Variants in LRP1B observed in about 807,000 individuals in gnomAD.
LRP1B encodes low-density lipoprotein receptor-related protein 1B.
A neutral mutation model predicts 556.6 loss-of-function variants in LRP1B; 217 were observed. The ratio of observed to expected loss-of-function variants is 0.39; its 90% CI spans 0.35 to 0.44. The LOEUF is 0.44. LRP1B is among the 20% of genes least tolerant of loss of function. The probability of loss-of-function intolerance (pLI) is 1.00; values close to 1 mark genes in which losing one functional copy is unlikely to be tolerated. For synonymous variants in LRP1B, 2,047 were observed against 1,865.8 expected (o/e 1.10, Z -2.50); for missense variants, 5,053 against 5,620.8 (o/e 0.90, Z 3.23).
At chr2:141,922,887 C>T (rs1700227789) in intron 1 of LRP1B, among the ~76,000 whole-genome samples, 1 of 152,058 alleles carries the variant, frequency 6.6e-6, no homozygotes, top group Admixed American at 6.6e-5. Context: ...ATCACTTGAA[C>T]TCAGGAGTTC....
chr2:140,541,746 G>A (rs747490389), intron 44 of LRP1B, 33 bp downstream of exon 44: 1 of 1,511,724 alleles, frequency 6.6e-7, no homozygotes, highest in Admixed American at 1.7e-5. Flanking sequence ...ATTATACAAT[G>A]AAAAAACACA....
intron 2 of LRP1B, among the ~76,000 whole-genome samples, chr2:141,519,649 A>T (rs146272040): frequency 0.011 from 1,634 of 152,084 alleles, 14 homozygotes; most frequent in Middle Eastern, 0.017. Flanking sequence ...TATTCTCCAC[A>T]TGCTGGAAAA....
intron 34 of LRP1B, among the ~76,000 whole-genome samples, chr2:140,769,974 C>G (rs572754492): frequency 6.6e-6 from 1 of 151,922 alleles, no homozygotes; most frequent in Non-Finnish European, 1.5e-5. Context: ...AAGCTAACTA[C>G]CAGAAGTACA....
chr2:140,256,614 G>A (rs796842119), intron 86 of LRP1B, among the ~76,000 whole-genome samples: 24 of 150,754 alleles, frequency 1.6e-4, no homozygotes, highest in African/African-American at 5.1e-4. Context: ...GACTACAGGC[G>A]TGCACCACCA....
At chr2:141,650,398 G>A (rs1401776986) in intron 2 of LRP1B, among the ~76,000 whole-genome samples, 4 of 152,136 alleles carry the variant, frequency 2.6e-5, no homozygotes, top group Non-Finnish European at 5.9e-5. Flanking sequence ...GAGGAATCAA[G>A]AGAGGCAGCA....
intron 67 of LRP1B, among the ~76,000 whole-genome samples, chr2:140,380,178 C>T (rs143929107): frequency 3.3e-5 from 5 of 152,168 alleles, no homozygotes; most frequent in African/African-American, 1.2e-4. Context: ...AGATAAGTAA[C>T]GTACTTCAAA....
chr2:141,256,402 T>C (rs1395911253), intron 3 of LRP1B, among the ~76,000 whole-genome samples: 1 of 151,994 alleles, frequency 6.6e-6, no homozygotes, highest in Non-Finnish European at 1.5e-5. Flanking sequence ...AGACTGGAAT[T>C]GCTGTTTGGA....
At chr2:140,308,800 T>C (rs1684173931) in intron 83 of LRP1B, among the ~76,000 whole-genome samples, 1 of 151,978 alleles carries the variant, frequency 6.6e-6, no homozygotes, top group African/African-American at 2.4e-5. Context: ...TGCCCTTCTA[T>C]GAAAATACTA....
intron 79 of LRP1B, among the ~76,000 whole-genome samples, chr2:140,331,579 T>C (rs1680814572): frequency 6.6e-6 from 1 of 151,812 alleles, no homozygotes; most frequent in Non-Finnish European, 1.5e-5. Context: ...CCATGATTCC[T>C]GACATCAGCA....
At position 141,755,363 on chromosome 2, in the gene LRP1B, C is replaced by A. The variant is rs548387248; in HGVS notation, c.205+54916G>T. ...ACCCCAATTGAAAATCATCAAAAACCTTAAATCAAAAGAAATACACATAGA... is the reference window on the plus strand; with the variant it reads ...ACCCCAATTGAAAATCATCAAAAACATTAAATCAAAAGAAATACACATAGA... On this transcript the variant is annotated intron_variant, in intron 2 of 90. Transcript: ENST00000389484. Among the ~76,000 whole-genome samples, 7 of 151,852 alleles carry A rather than the reference C, an allele frequency of 4.6e-5. No homozygotes were observed. The South Asian group carries it at 1.5e-3, about 32-fold the overall frequency.
At chr2:141,606,672 A>T (rs1004485636) in intron 2 of LRP1B, among the ~76,000 whole-genome samples, 1 of 152,198 alleles carries the variant, frequency 6.6e-6, no homozygotes, top group Non-Finnish European at 1.5e-5. Flanking sequence ...GTATGCAAAC[A>T]GGAAAAACCA....
chr2:141,597,272 T>A (rs538502190), intron 2 of LRP1B, among the ~76,000 whole-genome samples: 2 of 152,088 alleles, frequency 1.3e-5, no homozygotes, highest in South Asian at 4.1e-4. Flanking sequence ...CAATTCCAAC[T>A]TGCTTTATCT....
chr2:141,364,954 A>G (rs1688963356), intron 3 of LRP1B, among the ~76,000 whole-genome samples: 1 of 152,224 alleles, frequency 6.6e-6, no homozygotes, highest in African/African-American at 2.4e-5. Context: ...AGAAAGAAAC[A>G]TGTTCTAATA....
intron 2 of LRP1B, among the ~76,000 whole-genome samples, chr2:141,607,755 C>T (rs185263345): frequency 1.1e-4 from 16 of 151,878 alleles, no homozygotes; most frequent in African/African-American, 2.7e-4. Context: ...AGACCTCATC[C>T]GTACTAAAAA....
chr2:140,993,938 C>T (rs527503170), intron 16 of LRP1B, 57 bp downstream of exon 16: 3 of 1,542,758 alleles, frequency 1.9e-6, no homozygotes, highest in Non-Finnish European at 2.7e-6. Flanking sequence ...CTTGATAATT[C>T]ACACACTCAA....
At chr2:140,532,949 C>CTATATCTATATCTATAT (rs1343861885) in intron 47 of LRP1B, among the ~76,000 whole-genome samples, 12 of 43,514 alleles carry the variant, frequency 2.8e-4, no homozygotes, top group Non-Finnish European at 4.8e-4. Context: ...TATATATATA[C>CTATATCTATATCTATAT]ACATATATAT....
At chr2:140,591,908 T>C (rs1186750051) in intron 43 of LRP1B, among the ~76,000 whole-genome samples, 1 of 152,128 alleles carries the variant, frequency 6.6e-6, no homozygotes, top group Non-Finnish European at 1.5e-5. Context: ...CAAGAACTCA[T>C]CATCAGTTTT....
chr2:141,408,992 T>G (rs6429872), intron 3 of LRP1B, among the ~76,000 whole-genome samples: 120,865 of 152,048 alleles, frequency 0.79, 48,853 homozygotes, highest in African/African-American at 0.9. Flanking sequence ...TTCTCTACAT[T>G]GGCTTCTGTG....
chr2:140,966,039 G>T (rs1188784840), intron 18 of LRP1B, among the ~76,000 whole-genome samples: 1 of 152,182 alleles, frequency 6.6e-6, no homozygotes, highest in Non-Finnish European at 1.5e-5. Flanking sequence ...CTTTATAGAA[G>T]CATGATTTAT....
Sources: allele counts gnomAD v4.1 joint callset (sites outside exome capture counted in the v4.1 genomes callset), GRCh38; gene constraint gnomAD v4.1.1; transcripts MANE v1.5; gene names NCBI Gene and HGNC (gene_info 2026-07-23, HGNC 2026-07-21).